KAZN: variants seen among roughly 807,000 people sequenced by gnomAD.
KAZN encodes kazrin.
In KAZN, 40 loss-of-function variants were observed where a neutral mutation model predicts 87.4. That is an observed-to-expected ratio of 0.46 (90% CI 0.36 to 0.60). The LOEUF (loss-of-function observed/expected upper bound fraction) is 0.60. Among genes scored for constraint, KAZN ranks in the 20% least tolerant of loss-of-function variants. KAZN has a pLI of 0.00. For missense variants in KAZN, 898 were observed against 1,073.9 expected (o/e 0.84, Z 2.29); for synonymous variants, 466 against 458.3 (o/e 1.02, Z -0.22).
chr1:14,431,337 T>C (rs1666058626), intron 2 of KAZN, among the ~76,000 whole-genome samples: 1 of 152,288 alleles, frequency 6.6e-6, no homozygotes, highest in Middle Eastern at 3.4e-3. Context: ...CAAGCCCAAA[T>C]AGCCAATAAG....
intron 1 of KAZN, among the ~76,000 whole-genome samples, chr1:14,600,369 A>C (rs1435009659): frequency 6.6e-6 from 1 of 152,190 alleles, no homozygotes; most frequent in Non-Finnish European, 1.5e-5. Flanking sequence ...GGTTCTCTCC[A>C]TCAGTCTCTG....
chr1:14,905,834 C>T (rs1656468677), intron 1 of KAZN, among the ~76,000 whole-genome samples: 1 of 138,786 alleles, frequency 7.2e-6, no homozygotes, highest in African/African-American at 2.8e-5. Context: ...GACTGTGAGA[C>T]TCCGTCTCAA....
chr1:14,554,752 C>A (rs1257423826), intron 2 of KAZN, among the ~76,000 whole-genome samples: 1 of 152,198 alleles, frequency 6.6e-6, no homozygotes, highest in East Asian at 1.9e-4. Flanking sequence ...ACTGTCATAT[C>A]TTCTCCAAAT....
intron 1 of KAZN, among the ~76,000 whole-genome samples, chr1:14,693,054 C>CG (rs1363149689): frequency 6.6e-6 from 1 of 152,164 alleles, no homozygotes; most frequent in African/African-American, 2.4e-5. Context: ...GTCCCTGCTT[C>CG]GACCCTAAGC....
At chr1:14,359,462 A>T (rs1185579786) in intron 2 of KAZN, among the ~76,000 whole-genome samples, 1 of 152,162 alleles carries the variant, frequency 6.6e-6, no homozygotes, top group African/African-American at 2.4e-5. Flanking sequence ...TTATGTGTGA[A>T]TTTGATTCTG....
chr1:14,548,004 A>T (rs188738397), intron 2 of KAZN, among the ~76,000 whole-genome samples: 1 of 151,618 alleles, frequency 6.6e-6, no homozygotes, highest in East Asian at 1.9e-4. Flanking sequence ...CTTGGGCCAC[A>T]CATAAAATAC....
chr1:14,724,716 G>A (rs1643297050), intron 1 of KAZN, among the ~76,000 whole-genome samples: 1 of 152,212 alleles, frequency 6.6e-6, no homozygotes, highest in African/African-American at 2.4e-5. Context: ...TGGGTCTTTT[G>A]GAGTGTGTTC....
At chr1:14,675,654 TACATTTCAGAGCTGA>T (rs1288006738) in intron 1 of KAZN, among the ~76,000 whole-genome samples, 10 of 152,208 alleles carry the variant, frequency 6.6e-5, no homozygotes. Flanking sequence ...CATTAGAACT[TACATTTCAGAGCTGA>T]ACTCGGTCTT....
chr1:14,795,717 C>T (rs1213536846), intron 1 of KAZN, among the ~76,000 whole-genome samples: 4 of 152,116 alleles, frequency 2.6e-5, no homozygotes, highest in African/African-American at 7.2e-5. Context: ...TCATTCCACA[C>T]CAGCCCCTCT....
chr1:14,206,702 CTT>C (rs70997123), intron 2 of KAZN, among the ~76,000 whole-genome samples: 1 of 144,872 alleles, frequency 6.9e-6, no homozygotes. Flanking sequence ...TGAGCATTTT[CTT>C]TTTTTTTTTT....
At chr1:14,014,316 C>A (rs1406441121) in intron 1 of KAZN, among the ~76,000 whole-genome samples, 1 of 151,928 alleles carries the variant, frequency 6.6e-6, no homozygotes, top group African/African-American at 2.4e-5. Context: ...GGTGCTTGGG[C>A]AATGACATGG....
chr1:14,234,857 C>T (rs1366129599), intron 2 of KAZN, among the ~76,000 whole-genome samples: 1 of 152,234 alleles, frequency 6.6e-6, no homozygotes, highest in East Asian at 1.9e-4. Flanking sequence ...GATATGTATA[C>T]TCAGGTTCTA....
intron 1 of KAZN, among the ~76,000 whole-genome samples, chr1:14,075,614 A>G (rs1643421244): frequency 1.3e-5 from 2 of 152,220 alleles, no homozygotes; most frequent in Non-Finnish European, 2.9e-5. Context: ...CCAAATTTTT[A>G]TACCCATGCA....
At chr1:14,655,928 T>G (rs1053357553) in intron 1 of KAZN, among the ~76,000 whole-genome samples, 6 of 152,100 alleles carry the variant, frequency 3.9e-5, no homozygotes, top group African/African-American at 1.4e-4. Context: ...AGCAGTGGTG[T>G]GCTGGGCAGG....
At chr1:14,382,633 A>G (rs1661473107) in intron 2 of KAZN, among the ~76,000 whole-genome samples, 1 of 147,512 alleles carries the variant, frequency 6.8e-6, no homozygotes. Context: ...CCATGTCCCT[A>G]CAAAGGACAT....
chr1:14,379,588 A>G (rs912034851), intron 2 of KAZN, among the ~76,000 whole-genome samples: 24 of 152,118 alleles, frequency 1.6e-4, no homozygotes, highest in African/African-American at 5.3e-4. Context: ...TTAAGGGTAT[A>G]TTGATGGTGG....
intron 2 of KAZN, among the ~76,000 whole-genome samples, chr1:14,343,167 C>G (rs962638026): frequency 1.8e-4 from 28 of 151,712 alleles, no homozygotes; most frequent in Non-Finnish European, 3.5e-4. Context: ...AACAAACAAA[C>G]AACAAAAAAC....
intron 1 of KAZN, among the ~76,000 whole-genome samples, chr1:14,627,760 C>A (rs546569712): frequency 6.6e-6 from 1 of 152,184 alleles, no homozygotes; most frequent in Non-Finnish European, 1.5e-5. Context: ...TAACCCCCGA[C>A]CGCCAAACAA....
At chr1:14,046,235 A>G (rs1642067784) in intron 1 of KAZN, among the ~76,000 whole-genome samples, 1 of 152,190 alleles carries the variant, frequency 6.6e-6, no homozygotes, top group Non-Finnish European at 1.5e-5. Flanking sequence ...CTCTCTCACC[A>G]AATGAAAAAT....
Sources: allele counts gnomAD v4.1 joint callset (sites outside exome capture counted in the v4.1 genomes callset), GRCh38; gene constraint gnomAD v4.1.1; transcripts MANE v1.5; gene names NCBI Gene and HGNC (gene_info 2026-07-23, HGNC 2026-07-21).